Variants in SLC14A2 observed in about 807,000 individuals in gnomAD.
The protein encoded by SLC14A2 is solute carrier family 14 member 2, also known as urea transporter 2.
Under a neutral mutation model 104.6 loss-of-function variants are expected in SLC14A2, and 91 were observed. The ratio of observed to expected loss-of-function variants is 0.87; its 90% CI spans 0.73 to 1.04. The LOEUF (loss-of-function observed/expected upper bound fraction) is 1.04, where lower values mean the gene tolerates loss of function less well. Ranked by LOEUF, SLC14A2 falls within the 50% of genes least tolerant of loss-of-function variation. The probability of loss-of-function intolerance (pLI) is 0.00; values close to 1 mark genes in which losing one functional copy is unlikely to be tolerated. For missense variants in SLC14A2, 1,189 were observed against 1,156.0 expected (o/e 1.03, Z -0.41); for synonymous variants, 476 against 466.4 (o/e 1.02, Z -0.27).
intron 2 of SLC14A2, among the ~76,000 whole-genome samples, chr18:45,562,232 C>T (rs2044209532): frequency 6.6e-6 from 1 of 152,192 alleles, no homozygotes; most frequent in Non-Finnish European, 1.5e-5. Context: ...AACAGATAAG[C>T]ATGTTGTGAA....
At chr18:45,283,609 C>A (rs2084784851) in intron 1 of SLC14A2, among the ~76,000 whole-genome samples, 2 of 152,226 alleles carry the variant, frequency 1.3e-5, no homozygotes, top group Non-Finnish European at 2.9e-5. Context: ...GTTATTAAAT[C>A]AGGTATACAT....
the SLC14A2 span, among the ~76,000 whole-genome samples, chr18:45,205,693 T>G: frequency 7.2e-5 from 11 of 152,204 alleles, no homozygotes; most frequent in African/African-American, 2.7e-4. Context: ...ATCTTTTCTG[T>G]TTTTCACATA....
rs187320648 is a variant in SLC14A2, at chr18:45,334,191, G to A, written c.-125+121000G>A. 1.7e-4 allele frequency among the ~76,000 whole-genome samples: 26 copies of A among 152,228 alleles called. No homozygotes were observed. The East Asian group carries it at 3.9e-3, about 23-fold the overall frequency. ...GAAGAAATTATATAAAAATTTAATC[G>A]CAGTCATTGCCCTTTATTGTAAGTG... is the stretch of plus-strand genomic sequence containing the variant. On this transcript the variant is annotated intron_variant, in intron 1 of 20. Transcript: ENST00000586448.
At chr18:45,176,054 T>TG in the SLC14A2 span, among the ~76,000 whole-genome samples, 1 of 152,290 alleles carries the variant, frequency 6.6e-6, no homozygotes, top group East Asian at 1.9e-4. Context: ...GGTAAAAGGA[T>TG]GCCAATGAGC....
chr18:45,415,155 A>G (rs1425644008), intron 1 of SLC14A2, among the ~76,000 whole-genome samples: 1 of 152,128 alleles, frequency 6.6e-6, no homozygotes, highest in African/African-American at 2.4e-5. Context: ...TTTCTTGGTC[A>G]GGATATTCTT....
chr18:45,444,309 G>A (rs1221340765), intron 1 of SLC14A2, among the ~76,000 whole-genome samples: 1 of 152,184 alleles, frequency 6.6e-6, no homozygotes, highest in Non-Finnish European at 1.5e-5. Context: ...TATCTGTAAA[G>A]TGAGTGGATG....
chr18:45,380,916 A>C (rs1598738387), intron 1 of SLC14A2, among the ~76,000 whole-genome samples: 1 of 152,346 alleles, frequency 6.6e-6, no homozygotes, highest in East Asian at 1.9e-4. Context: ...ATCGGGGATC[A>C]AAGTGGCAAC....
At chr18:45,321,305 G>A (rs1207489003) in intron 1 of SLC14A2, among the ~76,000 whole-genome samples, 2 of 152,196 alleles carry the variant, frequency 1.3e-5, no homozygotes, top group African/African-American at 4.8e-5. Flanking sequence ...TATGATCTCA[G>A]AACTTCCATC....
intron 2 of SLC14A2, among the ~76,000 whole-genome samples, chr18:45,533,517 T>C (rs570569945): frequency 6.6e-6 from 1 of 152,356 alleles, no homozygotes; most frequent in Admixed American, 6.5e-5. Context: ...TGATGGTAGT[T>C]TGTATTTCTG....
At chr18:45,483,683 C>T (rs2087540250) in intron 2 of SLC14A2, among the ~76,000 whole-genome samples, 1 of 152,160 alleles carries the variant, frequency 6.6e-6, no homozygotes, top group Non-Finnish European at 1.5e-5. Context: ...CCATTAATAG[C>T]CTCCATACTT....
Position 45,683,380 on chromosome 18 carries a change from T to C in SLC14A2, c.*861T>C, listed in dbSNP as rs2046342398. On this transcript the variant is annotated 3_prime_UTR_variant, in exon 20 of 20. Coordinates refer to ENST00000255226, the MANE Select transcript of SLC14A2 (RefSeq NM_007163.4). ...GTTGATTATTCTCTCTCTCCTATAA[T>C]CTGATGAAATCAGCATGACAACAAG... 6.6e-6 allele frequency: 1 copy of C among 152,286 alleles called. No homozygotes were observed. Among genetic ancestry groups the C allele is most frequent in the South Asian group, 2.1e-4 (1 of 4,826 alleles). The allele number at this position is 152,286 out of a possible 1,614,324, so 9.4% of individuals were successfully genotyped here.
At chr18:45,368,186 T>C (rs1287330002) in intron 1 of SLC14A2, among the ~76,000 whole-genome samples, 1 of 152,182 alleles carries the variant, frequency 6.6e-6, no homozygotes, top group Non-Finnish European at 1.5e-5. Flanking sequence ...GCAGGTCTCC[T>C]GAGCAGTGCT....
the SLC14A2 span, among the ~76,000 whole-genome samples, chr18:45,174,070 A>G: frequency 1.3e-5 from 2 of 152,066 alleles, no homozygotes; most frequent in African/African-American, 4.8e-5. Flanking sequence ...TACCAGGTCA[A>G]TTTTTGCATT....
In SLC14A2 at chr18:45,644,176, C is replaced by CG. The variant is rs1206428271; in HGVS notation, c.1351+20dup. 6.2e-6 allele frequency: 10 copies of CG among 1,613,186 alleles called. No individual in the cohort carries two copies. In the African/African-American group the frequency reaches 1.2e-4, roughly 19 times the overall value. On this transcript the variant is annotated intron_variant, in intron 10 of 19. Transcript: ENST00000255226. ...GCCCCCAGCGGTGAATAGCCATGTT[C>CG]GGGGAAGAAACGCTCTTTGCCTGAC...
At chr18:45,643,429 C>T (rs763465665) in intron 9 of SLC14A2, among the ~76,000 whole-genome samples, 3 of 152,120 alleles carry the variant, frequency 2.0e-5, no homozygotes, top group African/African-American at 4.8e-5. Flanking sequence ...GTGGAAAACA[C>T]GACGGACAGA....
intron 1 of SLC14A2, among the ~76,000 whole-genome samples, chr18:45,298,040 C>T (rs1190938216): frequency 1.3e-5 from 2 of 152,154 alleles, no homozygotes; most frequent in Non-Finnish European, 2.9e-5. Context: ...AACAATCCTT[C>T]AAAGACAAAT....
chr18:45,541,086 T>C (rs996032366), intron 2 of SLC14A2, among the ~76,000 whole-genome samples: 3 of 152,186 alleles, frequency 2.0e-5, no homozygotes. Flanking sequence ...CCATGACAAA[T>C]AGGAAGCTCA....
chr18:45,506,571 G>C (rs78532214), intron 2 of SLC14A2, among the ~76,000 whole-genome samples: 3 of 152,180 alleles, frequency 2.0e-5, no homozygotes, highest in Non-Finnish European at 2.9e-5. Context: ...AAAGACATGA[G>C]AGAGAGAAAC....
At chr18:45,198,885 C>T in the SLC14A2 span, among the ~76,000 whole-genome samples, 4 of 152,242 alleles carry the variant, frequency 2.6e-5, no homozygotes, top group South Asian at 4.1e-4. Flanking sequence ...CAATTATTTA[C>T]AGTAAACACC....
Sources: gnomAD v4.1 joint callset for allele counts (sites outside exome capture counted in the v4.1 genomes callset) on GRCh38, gnomAD v4.1.1 for gene constraint, MANE v1.5 for transcripts, NCBI Gene and HGNC (gene_info 2026-07-23, HGNC 2026-07-21) for gene names.